Variants in MAN1A2 observed in about 807,000 individuals in gnomAD.
MAN1A2 encodes the protein mannosidase alpha class 1A member 2.
A neutral mutation model predicts 75.7 loss-of-function variants in MAN1A2; 26 were observed. That is an observed-to-expected ratio of 0.34 (90% CI 0.25 to 0.48). MAN1A2 has a LOEUF of 0.48. Among genes scored for constraint, MAN1A2 ranks in the 20% least tolerant of loss-of-function variants. The pLI is 0.99. For synonymous variants in MAN1A2, 247 were observed against 264.6 expected, an observed-to-expected ratio of 0.93 and a Z score of 0.65; for missense variants, 562 against 775.5, an observed-to-expected ratio of 0.72 and a Z score of 3.27.
intron 12 of MAN1A2, among the ~76,000 whole-genome samples, chr1:117,514,502 C>A (rs1014815595): frequency 3.3e-5 from 5 of 152,100 alleles, no homozygotes; most frequent in Admixed American, 3.3e-4. Flanking sequence ...CTCTTTTTTA[C>A]TGCTGTTGTT....
At chr1:117,403,627 C>T (rs1647515263) in intron 2 of MAN1A2, among the ~76,000 whole-genome samples, 2 of 152,126 alleles carry the variant, frequency 1.3e-5, no homozygotes, top group Non-Finnish European at 2.9e-5. Flanking sequence ...GAACTTTTAT[C>T]CTGTTATTTT....
chr1:117,503,358 A>T (rs1372858322), intron 12 of MAN1A2, among the ~76,000 whole-genome samples: 2 of 151,482 alleles, frequency 1.3e-5, no homozygotes, highest in African/African-American at 4.8e-5. Context: ...CTGGACTCAT[A>T]CCTGAGCTCC....
intron 1 of MAN1A2, among the ~76,000 whole-genome samples, chr1:117,387,642 G>A (rs764605198): frequency 5.3e-5 from 8 of 152,166 alleles, no homozygotes; most frequent in Non-Finnish European, 1.0e-4. Context: ...TTCAAGGCTT[G>A]GAACTCAGGG....
At chr1:117,476,038 C>G (rs1650301490) in intron 8 of MAN1A2, among the ~76,000 whole-genome samples, 1 of 152,076 alleles carries the variant, frequency 6.6e-6, no homozygotes, top group East Asian at 1.9e-4. Flanking sequence ...TGTTTCCTGA[C>G]TTTTTAATGA....
At chr1:117,474,398 T>TTA (rs397802194) in intron 8 of MAN1A2, among the ~76,000 whole-genome samples, 1 of 151,356 alleles carries the variant, frequency 6.6e-6, no homozygotes, top group East Asian at 1.9e-4. Context: ...TTTTTTTTTT[T>TTA]ACTTTGATCA....
intron 6 of MAN1A2, among the ~76,000 whole-genome samples, chr1:117,459,540 A>C (rs1024397130): frequency 2.6e-5 from 4 of 152,172 alleles, no homozygotes; most frequent in Non-Finnish European, 5.9e-5. Context: ...CCTAAAACAC[A>C]ATGTAATCTG....
At chr1:117,492,190 G>A (rs948740588) in intron 8 of MAN1A2, among the ~76,000 whole-genome samples, 37 of 152,016 alleles carry the variant, frequency 2.4e-4, no homozygotes, top group Non-Finnish European at 1.2e-4. Context: ...GAGATCTTTC[G>A]TCCTGCAGAG....
intron 1 of MAN1A2, among the ~76,000 whole-genome samples, chr1:117,375,579 A>G (rs1256902265): frequency 6.6e-6 from 1 of 152,202 alleles, no homozygotes; most frequent in Non-Finnish European, 1.5e-5. Context: ...CCATTAAAAA[A>G]TATTAGTCAC....
At chr1:117,472,784 G>A (rs1570771673) in intron 8 of MAN1A2, among the ~76,000 whole-genome samples, 3 of 151,834 alleles carry the variant, frequency 2.0e-5, no homozygotes, top group Admixed American at 1.3e-4. Flanking sequence ...AGCCCAACAC[G>A]AATTGATAAA....
At chr1:117,477,151 A>G (rs945207091) in intron 8 of MAN1A2, among the ~76,000 whole-genome samples, 7 of 151,964 alleles carry the variant, frequency 4.6e-5, no homozygotes, top group Non-Finnish European at 1.0e-4. Context: ...TAGTCTATGA[A>G]CCAAAAGAAG....
At chr1:117,384,695 T>C (rs1653463343) in intron 1 of MAN1A2, among the ~76,000 whole-genome samples, 1 of 152,192 alleles carries the variant, frequency 6.6e-6, no homozygotes, top group Admixed American at 6.5e-5. Flanking sequence ...TTACTTTGTC[T>C]GTTTCTCCCT....
At position 117,449,201 on chromosome 1, in the gene MAN1A2, C is replaced by A. The variant is rs183209361; in HGVS notation, c.950+6876C>A. Among the ~76,000 whole-genome samples, 79 of 152,148 alleles carry A rather than the reference C, an allele frequency of 5.2e-4. No homozygotes were observed. In the Middle Eastern group the frequency reaches 0.014, roughly 26 times the overall value. On this transcript the variant is annotated intron_variant, in intron 6 of 12. Transcript: ENST00000356554. ...GAGACAGAACAATGCCAATAAATAA[C>A]CTTTCAGTGGCCTTGATGTATTCAA...
At position 117,496,540 on chromosome 1, in the gene MAN1A2, T is replaced by G. The variant is rs181095629; in HGVS notation, c.1285-223T>G. ...TAATCTTTAGGCCAAGTCTCTCCTC[T>G]TCCACTCTGTCTTATTATGGTAGTG... On this transcript the variant is annotated intron_variant, in intron 9 of 12. Coordinates refer to ENST00000356554, the MANE Select transcript of MAN1A2 (RefSeq NM_006699.5). Among the ~76,000 whole-genome samples, 482 of 152,122 alleles carry G rather than the reference T, an allele frequency of 3.2e-3. 1 individual carries two copies. The highest frequency in any genetic ancestry group is 0.01 in the African/African-American group (427 of 41,550).
intron 4 of MAN1A2, among the ~76,000 whole-genome samples, chr1:117,415,863 A>G (rs1240395387): frequency 6.6e-6 from 1 of 152,144 alleles, no homozygotes; most frequent in Non-Finnish European, 1.5e-5. Flanking sequence ...ACTGTTCTCT[A>G]AGAAGACTTC....
chr1:117,460,733 CT>C, intron 7 of MAN1A2, 121 bp downstream of exon 7: 1 of 1,189,116 alleles, frequency 8.4e-7, no homozygotes, highest in Non-Finnish European at 1.1e-6. Context: ...GGGCTGTAGC[CT>C]TTATTTTTTC....
At position 117,527,266 on chromosome 1, in the gene MAN1A2, A is replaced by T. The variant is rs2101039721; in HGVS notation, c.*4309A>T. 6.6e-6 allele frequency: 1 copy of T among 151,946 alleles called. No homozygotes were observed. Among genetic ancestry groups the T allele is most frequent in the Non-Finnish European group, 1.5e-5 (1 of 67,840 alleles). 9.4% of individuals were successfully genotyped at this position (151,946 alleles called of 1,614,324 possible). A position where few individuals can be genotyped will look rare whatever the true frequency, so the allele number is the denominator to read the frequency against. On this transcript the variant is annotated 3_prime_UTR_variant, in exon 13 of 13. Transcript: ENST00000356554. ...TCTGCTGTTGAAGTATCGAAAACAG[A>T]TAGAGATACTATGTAAAGAATGGGC...
chr1:117,511,138 A>G (rs1365540321), intron 12 of MAN1A2, among the ~76,000 whole-genome samples: 1 of 152,062 alleles, frequency 6.6e-6, no homozygotes, highest in Non-Finnish European at 1.5e-5. Context: ...GTGAAAGAGG[A>G]ACTGTCAAAC....
Position 117,524,127 on chromosome 1 carries a change from T to C in MAN1A2, c.*1170T>C, listed in dbSNP as rs1230626416. ...ATGTTTTTTTAATTTTCTCCAAGAA[T>C]ATTTATAGAATTCCAAAGAATCAGA... On this transcript the variant is annotated 3_prime_UTR_variant, in exon 13 of 13. Coordinates refer to ENST00000356554, the MANE Select transcript of MAN1A2 (RefSeq NM_006699.5). 6.6e-6 allele frequency: 1 copy of C among 152,176 alleles called. No individual in the cohort carries two copies. The highest frequency in any genetic ancestry group is 1.9e-4 in the East Asian group (1 of 5,180). The allele number at this position is 152,176 out of a possible 1,614,324, so 9.4% of individuals were successfully genotyped here.
chr1:117,428,968 T>A (rs2101792386), intron 5 of MAN1A2, among the ~76,000 whole-genome samples: 1 of 143,560 alleles, frequency 7.0e-6, no homozygotes, highest in East Asian at 2.0e-4. Context: ...AGTGTTTGTG[T>A]CCCTGATTAC....
Sources: gnomAD v4.1 joint callset for allele counts (sites outside exome capture counted in the v4.1 genomes callset) on GRCh38, gnomAD v4.1.1 for gene constraint, MANE v1.5 for transcripts, NCBI Gene and HGNC (gene_info 2026-07-23, HGNC 2026-07-21) for gene names.